The following ARNT variants were observed in gnomAD, a reference collection of about 807,000 sequenced individuals.
ARNT encodes class E basic helix-loop-helix protein 2.
A neutral mutation model predicts 105.0 loss-of-function variants in ARNT; 30 were observed. The ratio of observed to expected loss-of-function variants is 0.29; its 90% CI spans 0.21 to 0.39. ARNT has a LOEUF of 0.39. Among genes scored for constraint, ARNT ranks in the 10% least tolerant of loss-of-function variants. The probability of loss-of-function intolerance (pLI) is 1.00; values close to 1 mark genes in which losing one functional copy is unlikely to be tolerated. For missense variants in ARNT, 748 were observed against 978.7 expected (o/e 0.76, Z 3.15); for synonymous variants, 304 against 344.0 (o/e 0.88, Z 1.29).
In ARNT at chr1:150,817,107, T is replaced by C. The variant is rs775442173; in HGVS notation, c.1674A>G (p.Ser558=). 41 of 1,614,186 alleles carry C rather than the reference T, an allele frequency of 2.5e-5. No homozygotes were observed. Among genetic ancestry groups the C allele is most frequent in the Non-Finnish European group, 3.5e-5 (41 of 1,180,014 alleles). Residue 558 remains serine (S), a synonymous_variant, in exon 17 of 22, where the codon TCA becomes TCG. Transcript: ENST00000358595. ...LFAQDRDPRF[S]EIYHNINADQ... is the part of the protein sequence containing the mutation. ...CCGCATTGATGTTGTGATAGATTTCTGAAAATCTTGGATCTCTATCCTGGG... is the reference window on the plus strand; with the variant it reads ...CCGCATTGATGTTGTGATAGATTTCCGAAAATCTTGGATCTCTATCCTGGG...
At chr1:150,845,380 C>T (rs1171597947) in intron 4 of ARNT, among the ~76,000 whole-genome samples, 1 of 151,478 alleles carries the variant, frequency 6.6e-6, no homozygotes, top group Non-Finnish European at 1.5e-5. Flanking sequence ...GTGGGTGAAT[C>T]GCTTGAGGTG....
At chr1:150,840,192 G>A (rs1571324494) in intron 5 of ARNT, among the ~76,000 whole-genome samples, 3 of 151,536 alleles carry the variant, frequency 2.0e-5, no homozygotes, top group Admixed American at 6.6e-5. Flanking sequence ...AGTGAGCTGA[G>A]ATCACACCAC....
chr1:150,858,277 C>A (rs1013137035), intron 2 of ARNT, 72 bp downstream of exon 2: 60 of 1,164,392 alleles, frequency 5.2e-5, no homozygotes, highest in Non-Finnish European at 7.3e-5. Context: ...GTGAGTTCAG[C>A]AACTAAATAA....
chr1:150,827,346 A>C (rs1342095669), intron 12 of ARNT, among the ~76,000 whole-genome samples: 1 of 151,718 alleles, frequency 6.6e-6, no homozygotes, highest in Non-Finnish European at 1.5e-5. Context: ...TCCCACTCCA[A>C]CTCCCCAGCC....
At chr1:150,820,658 AAAAACAAAAC>A (rs142445432) in intron 14 of ARNT, among the ~76,000 whole-genome samples, 22,014 of 151,862 alleles carry the variant, frequency 0.14, 2,232 homozygotes, top group South Asian at 0.39. Context: ...CCCTGTCTGA[AAAAACAAAAC>A]AAAACAAAAC....
intron 19 of ARNT, among the ~76,000 whole-genome samples, chr1:150,816,028 G>A (rs1369233208): frequency 6.6e-6 from 1 of 152,004 alleles, no homozygotes; most frequent in East Asian, 1.9e-4. Flanking sequence ...TGCTCAAAAC[G>A]TTCCAAGTGA....
chr1:150,826,505 C>T lies in ARNT; in HGVS notation c.1242+38G>A, dbSNP rs773220436. 8 of 1,526,282 alleles carry T rather than the reference C, an allele frequency of 5.2e-6. 1 individual carries two copies. The highest frequency in any genetic ancestry group is 6.3e-6 in the Non-Finnish European group (7 of 1,103,248). The allele number at this position is 1,526,282 out of a possible 1,614,324, so 94.5% of individuals were successfully genotyped here. A position where few individuals can be genotyped will look rare whatever the true frequency, so the allele number is the denominator to read the frequency against. On this transcript the variant is annotated intron_variant, in intron 13 of 21. Coordinates refer to ENST00000358595, the MANE Select transcript of ARNT (RefSeq NM_001668.4). ...GTCAATATTTATGGAGTGAATATGA[C>T]AAATATTTATTCAGAACCAAACCAG...
In ARNT at chr1:150,817,374, T is replaced by C; in HGVS notation, c.1565A>G (p.Tyr522Cys). 1 of 1,614,204 alleles carries C rather than the reference T, an allele frequency of 6.2e-7. No individual in the cohort carries two copies. Among genetic ancestry groups the C allele is most frequent in the Non-Finnish European group, 8.5e-7 (1 of 1,180,034 alleles). The change falls in exon 16 of 22, where the codon TAC becomes TGC. Residue 522 changes from tyrosine to cysteine, a missense_variant. By Grantham distance (194) the Tyr-to-Cys change is radical (BLOSUM62 -2). Transcript: ENST00000358595. Reference sequence around the variant, plus strand: ...GACACAACTCACCTGGGAATGATTGTAGCTGGCCAGTCCATCTCTTCCTGG... The same window carrying C: ...GACACAACTCACCTGGGAATGATTGCAGCTGGCCAGTCCATCTCTTCCTGG... ...MVPGRDGLAS[Y>C]NHSQVVQPVT... is the part of the protein sequence containing the mutation.
At chr1:150,866,892 A>T (rs1382464703) in intron 1 of ARNT, among the ~76,000 whole-genome samples, 1 of 152,180 alleles carries the variant, frequency 6.6e-6, no homozygotes, top group Admixed American at 6.5e-5. Flanking sequence ...GAGTACATAC[A>T]TATATAGGAT....
chr1:150,875,084 TG>T (rs1668045643), intron 1 of ARNT, among the ~76,000 whole-genome samples: 1 of 152,234 alleles, frequency 6.6e-6, no homozygotes, highest in South Asian at 2.1e-4. Context: ...ATAAGTATTT[TG>T]CAATGTGTGA....
intron 1 of ARNT, among the ~76,000 whole-genome samples, chr1:150,867,948 C>T (rs374728595): frequency 4.6e-5 from 7 of 151,998 alleles, no homozygotes; most frequent in Admixed American, 1.3e-4. Flanking sequence ...ATACAGCCTG[C>T]GGAACTATGA....
At chr1:150,840,945 C>CTTTTT (rs777444553) in intron 5 of ARNT, among the ~76,000 whole-genome samples, 106 of 103,718 alleles carry the variant, frequency 1.0e-3, no homozygotes, top group South Asian at 1.7e-3. Context: ...CTCTCTTCTT[C>CTTTTT]TTTTTTTTTT....
At chr1:150,817,254 A>C in intron 16 of ARNT, 52 bp from the exon 17 acceptor site, 1 of 1,612,670 alleles carries the variant, frequency 6.2e-7, no homozygotes, top group South Asian at 1.1e-5. Context: ...ATGACAATTC[A>C]ATAACCCTAA....
chr1:150,850,420 T>G (rs953354443), intron 3 of ARNT, among the ~76,000 whole-genome samples: 2 of 152,236 alleles, frequency 1.3e-5, no homozygotes, highest in Non-Finnish European at 2.9e-5. Flanking sequence ...TGCCTGCGAT[T>G]GCAGTCGCGC....
chr1:150,838,630 A>G (rs745948238), intron 6 of ARNT, among the ~76,000 whole-genome samples: 4 of 152,240 alleles, frequency 2.6e-5, no homozygotes, highest in Non-Finnish European at 5.9e-5. Flanking sequence ...TGGTGGCATT[A>G]AGGGAATACT....
chr1:150,834,837 TA>T (rs1660007896), intron 7 of ARNT, 197 bp from the exon 8 acceptor site: 3 of 517,146 alleles, frequency 5.8e-6, no homozygotes, highest in Non-Finnish European at 1.1e-5. Context: ...ATCTCACTCT[TA>T]AGTTCAAAGG....
At chr1:150,871,358 T>C (rs1241874397) in intron 1 of ARNT, among the ~76,000 whole-genome samples, 1 of 141,418 alleles carries the variant, frequency 7.1e-6, no homozygotes, top group Non-Finnish European at 1.5e-5. Flanking sequence ...TAGAGTGCAG[T>C]GGTACGATCT....
At chr1:150,850,252 T>TCC (rs1488761874) in intron 3 of ARNT, among the ~76,000 whole-genome samples, 3 of 151,924 alleles carry the variant, frequency 2.0e-5, no homozygotes, top group Non-Finnish European at 2.9e-5. Flanking sequence ...CCTCTCCCTC[T>TCC]CCATCTCCCT....
chr1:150,851,098 C>T (rs1423036483), intron 3 of ARNT, among the ~76,000 whole-genome samples: 2 of 151,534 alleles, frequency 1.3e-5, no homozygotes, highest in South Asian at 2.1e-4. Context: ...GCAGCCGCCC[C>T]GTCCGGGAAG....
Sources: gnomAD v4.1 joint callset for allele counts (sites outside exome capture counted in the v4.1 genomes callset) on GRCh38, gnomAD v4.1.1 for gene constraint, MANE v1.5 for transcripts, NCBI Gene and HGNC (gene_info 2026-07-23, HGNC 2026-07-21) for gene names.